KCNIP1: variants seen among roughly 807,000 people sequenced by gnomAD.
The protein encoded by KCNIP1 is A-type potassium channel modulatory protein KCNIP1.
Under a neutral mutation model 33.0 loss-of-function variants are expected in KCNIP1, and 18 were observed. The ratio of observed to expected loss-of-function variants is 0.55; its 90% CI spans 0.38 to 0.81. The LOEUF is 0.81. Among genes scored for constraint, KCNIP1 ranks in the 30% least tolerant of loss-of-function variants. The pLI, the probability that KCNIP1 is intolerant of heterozygous loss-of-function variation, is 0.00. For missense variants in KCNIP1, 238 were observed against 271.6 expected, an observed-to-expected ratio of 0.88 and a Z score of 0.87; for synonymous variants, 93 against 98.3, an observed-to-expected ratio of 0.95 and a Z score of 0.32.
upstream of KCNIP1, among the ~76,000 whole-genome samples, chr5:170,503,724 TCACACACACACACA>T (rs70979180): frequency 1.2e-3 from 160 of 136,530 alleles, no homozygotes; most frequent in Middle Eastern, 7.5e-3. Context: ...CGCACGCACA[TCACACACACACACA>T]CACACACACA....
At chr5:170,513,098 C>A (rs1755001617) in intron 1 of KCNIP1, among the ~76,000 whole-genome samples, 1 of 151,942 alleles carries the variant, frequency 6.6e-6, no homozygotes, top group Non-Finnish European at 1.5e-5. Context: ...CAGTCAGAAC[C>A]TGCATTTTAA....
intron 1 of KCNIP1, among the ~76,000 whole-genome samples, chr5:170,597,283 G>C (rs888905168): frequency 3.9e-5 from 6 of 152,190 alleles, no homozygotes; most frequent in Non-Finnish European, 7.3e-5. Flanking sequence ...AAGCAGCTGT[G>C]ACAAATAAAG....
At chr5:170,435,370 T>C (rs1374562059) in intron 1 of KCNIP1, among the ~76,000 whole-genome samples, 2 of 152,226 alleles carry the variant, frequency 1.3e-5, no homozygotes, top group Non-Finnish European at 2.9e-5. Flanking sequence ...AGAGGTTCAC[T>C]GCAAACCAGA....
chr5:170,640,922 A>G (rs148862056), intron 1 of KCNIP1, among the ~76,000 whole-genome samples: 1 of 152,288 alleles, frequency 6.6e-6, no homozygotes, highest in African/African-American at 2.4e-5. Context: ...ATCGTTGCTT[A>G]AAGAGGAACC....
chr5:170,413,801 T>C (rs888640292), intron 1 of KCNIP1, among the ~76,000 whole-genome samples: 1 of 151,978 alleles, frequency 6.6e-6, no homozygotes, highest in Non-Finnish European at 1.5e-5. Flanking sequence ...GAAGGAGCCA[T>C]TGACCCACTC....
intron 1 of KCNIP1, among the ~76,000 whole-genome samples, chr5:170,551,836 G>A (rs546391782): frequency 1.3e-4 from 19 of 151,804 alleles, no homozygotes; most frequent in East Asian, 9.7e-4. Context: ...TTGAGTGTAC[G>A]TGTTAGTGCA....
chr5:170,716,343 G>C (rs947321013), intron 1 of KCNIP1, among the ~76,000 whole-genome samples: 11 of 152,194 alleles, frequency 7.2e-5, no homozygotes, highest in African/African-American at 2.7e-4. Context: ...ATATACATGT[G>C]TGTATACTGG....
chr5:170,394,737 C>G (rs1036150550), intron 1 of KCNIP1, among the ~76,000 whole-genome samples: 2 of 152,182 alleles, frequency 1.3e-5, no homozygotes, highest in African/African-American at 4.8e-5. Context: ...AGATTTTCAG[C>G]CTTTGCCCCA....
intron 1 of KCNIP1, among the ~76,000 whole-genome samples, chr5:170,636,770 T>C (rs868016371): frequency 3.3e-4 from 51 of 152,308 alleles, no homozygotes; most frequent in African/African-American, 1.2e-3. Flanking sequence ...AAGCATTTAC[T>C]GAGCACCTCC....
chr5:170,563,131 C>G (rs1757091899), intron 1 of KCNIP1, among the ~76,000 whole-genome samples: 2 of 152,196 alleles, frequency 1.3e-5, no homozygotes, highest in East Asian at 3.9e-4. Context: ...CACCTGCCAT[C>G]CACCAACTAT....
At chr5:170,353,928 A>G in exon 1 of KCNIP1, 1 of 1,614,156 alleles carries the variant, frequency 6.2e-7, no homozygotes, top group African/African-American at 1.3e-5. Context: ...ATTTGCCCAG[A>G]CCATCTTTAA....
chr5:170,441,006 C>T (rs2113032549), intron 1 of KCNIP1, among the ~76,000 whole-genome samples: 2 of 152,338 alleles, frequency 1.3e-5, no homozygotes, highest in South Asian at 4.1e-4. Flanking sequence ...GCTTCCTTCC[C>T]TCGGTCTGCC....
At chr5:170,531,020 A>G (rs1755769045) in intron 1 of KCNIP1, among the ~76,000 whole-genome samples, 2 of 152,326 alleles carry the variant, frequency 1.3e-5, no homozygotes, top group Non-Finnish European at 2.9e-5. Context: ...AATATCTTCT[A>G]ATAAATTCCT....
At chr5:170,576,984 T>C (rs929076281) in intron 1 of KCNIP1, among the ~76,000 whole-genome samples, 5 of 152,236 alleles carry the variant, frequency 3.3e-5, no homozygotes, top group African/African-American at 1.2e-4. Flanking sequence ...CAGGGGTCTC[T>C]TGCAACCCTG....
At chr5:170,392,651 C>T (rs1754634469) in intron 1 of KCNIP1, among the ~76,000 whole-genome samples, 1 of 152,124 alleles carries the variant, frequency 6.6e-6, no homozygotes, top group African/African-American at 2.4e-5. Flanking sequence ...GGCGAAACCC[C>T]GTTTCTACTA....
intron 1 of KCNIP1, among the ~76,000 whole-genome samples, chr5:170,567,799 AC>A (rs1561691069): frequency 6.6e-6 from 1 of 152,128 alleles, no homozygotes. Context: ...GGGAAATGCC[AC>A]TCTTGGCCCC....
At chr5:170,378,622 T>C (rs763261723) in intron 1 of KCNIP1, 7 of 1,415,514 alleles carry the variant, frequency 4.9e-6, no homozygotes, top group Admixed American at 2.2e-5. Context: ...GGAGAAGGCA[T>C]TGTGCTGCAA....
intron 1 of KCNIP1, among the ~76,000 whole-genome samples, chr5:170,460,929 C>T (rs1756488847): frequency 6.6e-6 from 1 of 152,142 alleles, no homozygotes; most frequent in Admixed American, 6.5e-5. Context: ...CCAGAAAGCT[C>T]CTAGAACTGA....
intron 1 of KCNIP1, among the ~76,000 whole-genome samples, chr5:170,644,788 T>C (rs1446972169): frequency 1.3e-5 from 2 of 152,208 alleles, no homozygotes; most frequent in Non-Finnish European, 2.9e-5. Context: ...AGCAAAAGCC[T>C]CTTTGCTACA....
Sources: allele counts gnomAD v4.1 joint callset (sites outside exome capture counted in the v4.1 genomes callset), GRCh38; gene constraint gnomAD v4.1.1; transcripts MANE v1.5; gene names NCBI Gene and HGNC (gene_info 2026-07-23, HGNC 2026-07-21).